Variants in PTPRA observed in about 807,000 individuals in gnomAD.
PTPRA encodes the protein protein tyrosine phosphatase receptor type A.
Under a neutral mutation model 104.8 loss-of-function variants are expected in PTPRA, and 25 were observed. The ratio of observed to expected loss-of-function variants is 0.24; its 90% confidence interval spans 0.17 to 0.33. The LOEUF (loss-of-function observed/expected upper bound fraction) is 0.33, where lower values mean the gene tolerates loss of function less well. Among genes scored for constraint, PTPRA ranks in the 10% least tolerant of loss-of-function variants. PTPRA has a pLI of 1.00. For synonymous variants in PTPRA, 323 were observed against 368.9 expected, an observed-to-expected ratio of 0.88 and a Z score of 1.43; for missense variants, 765 against 1,015.3, an observed-to-expected ratio of 0.75 and a Z score of 3.35.
the PTPRA span, chr20:2,866,318 G>A: frequency 6.2e-7 from 1 of 1,614,164 alleles, no homozygotes; most frequent in Non-Finnish European, 8.5e-7. Flanking sequence ...CTTGTTGGGT[G>A]CGTCAACTGA....
At chr20:2,969,185 A>G (rs909024196) in intron 5 of PTPRA, among the ~76,000 whole-genome samples, 26 of 151,738 alleles carry the variant, frequency 1.7e-4, no homozygotes, top group African/African-American at 6.0e-4. Context: ...TAGCCTGGGG[A>G]ACAGAGTGAG....
chr20:2,867,951 G>T, the PTPRA span, among the ~76,000 whole-genome samples: 1 of 152,238 alleles, frequency 6.6e-6, no homozygotes. Flanking sequence ...TGTGGGTCAA[G>T]AATTTGGACA....
At chr20:2,894,598 G>A (rs1191006525) in intron 1 of PTPRA, among the ~76,000 whole-genome samples, 1 of 141,824 alleles carries the variant, frequency 7.1e-6, no homozygotes, top group African/African-American at 2.8e-5. Context: ...ATGAGCCACT[G>A]TGCTGGCCAA....
rs951069272 is a variant in PTPRA at position 3,035,293 on chromosome 20, A to G, written c.1921-292A>G. 3.3e-5 allele frequency among the ~76,000 whole-genome samples: 5 copies of G among 152,158 alleles called. No individual in the cohort carries two copies. Among genetic ancestry groups the G allele is most frequent in the African/African-American group, 1.2e-4 (5 of 41,448 alleles). ...GGAGAAAAAGAAAGGAATTGGAACA[A>G]AGATTTTCACTCGTCCTCCTCTCCC... On this transcript the variant is annotated intron_variant, in intron 20 of 23. Coordinates refer to ENST00000399903, the MANE Select transcript of PTPRA (RefSeq NM_001385305.1). This position sits in a 1 kb window ranked among gnomAD's most constrained non-coding sequence, Gnocchi z 5.8.
intron 1 of PTPRA, among the ~76,000 whole-genome samples, chr20:2,898,857 CA>C (rs894944170): frequency 1.5e-4 from 22 of 143,954 alleles, no homozygotes; most frequent in East Asian, 2.0e-4. Context: ...GACTCCGTCT[CA>C]AAAAAAAAAA....
intron 1 of PTPRA, among the ~76,000 whole-genome samples, chr20:2,909,952 TTATAA>T (rs1342399934): frequency 1.5e-4 from 18 of 122,300 alleles, no homozygotes; most frequent in South Asian, 7.0e-4. Context: ...TAATTATATA[TTATAA>T]TATATGATAT....
chr20:2,867,924 A>G, the PTPRA span, among the ~76,000 whole-genome samples: 1 of 152,184 alleles, frequency 6.6e-6, no homozygotes, highest in African/African-American at 2.4e-5. Flanking sequence ...AATAACTATC[A>G]TGCTCGCCAT....
At position 3,037,216 on chromosome 20, in the gene PTPRA, C is replaced by T; in HGVS notation, c.2261C>T (p.Ala754Val). 6.2e-7 allele frequency: 1 copy of T among 1,614,232 alleles called. No homozygotes were observed. The highest frequency in any genetic ancestry group is 8.5e-7 in the Non-Finnish European group (1 of 1,180,044). The part of the protein sequence containing the change: ...ALSTVLERVK[A>V]EGILDVFQTV... ...AGCACCGTCCTGGAGCGTGTGAAAG[C>T]AGAGGGGATTTTGGATGTCTTCCAG... is the stretch of plus-strand genomic sequence containing the variant. Residue 754 changes from alanine (A) to valine (V), a missense_variant, in exon 23 of 24, where the codon GCA (alanine) becomes GTA (valine). Ala to Val is a moderately conservative substitution (Grantham distance 64). Around this residue, in one of 4 missense-constraint regions of PTPRA, gnomAD observed 72 missense variants for 140.7 expected, o/e 0.51. Transcript: ENST00000399903. This position sits in a 1 kb window ranked among gnomAD's most constrained non-coding sequence, Gnocchi z 4.3.
At chr20:3,003,439 G>A (rs1481174306) in intron 9 of PTPRA, among the ~76,000 whole-genome samples, 1 of 152,074 alleles carries the variant, frequency 6.6e-6, no homozygotes, top group Non-Finnish European at 1.5e-5. Context: ...GAAGTTGCTA[G>A]GCCAAAAAGT....
At chr20:3,021,534 G>A (rs2064869068) in intron 14 of PTPRA, 106 bp downstream of exon 14, 5 of 1,442,594 alleles carry the variant, frequency 3.5e-6, no homozygotes, top group Non-Finnish European at 4.7e-6. Flanking sequence ...TGAGTATGCA[G>A]TATGTGAATT....
chr20:3,016,377 A>G (rs752445941), intron 12 of PTPRA, among the ~76,000 whole-genome samples: 2 of 152,234 alleles, frequency 1.3e-5, no homozygotes, highest in South Asian at 2.1e-4. Flanking sequence ...TTCTACACAC[A>G]TTTCCAGGCC....
chr20:2,889,583 A>T (rs1230118618), intron 1 of PTPRA, among the ~76,000 whole-genome samples: 2 of 152,246 alleles, frequency 1.3e-5, no homozygotes, highest in Non-Finnish European at 2.9e-5. Context: ...TACTACTAGT[A>T]CCATGAGTTT....
chr20:2,937,290 A>G (rs983547295), intron 2 of PTPRA, among the ~76,000 whole-genome samples: 10 of 151,970 alleles, frequency 6.6e-5, no homozygotes, highest in East Asian at 1.9e-4. Context: ...ACACCCAGCT[A>G]ATTTTTGTAT....
chr20:3,008,728 TA>T (rs763235190), intron 11 of PTPRA, among the ~76,000 whole-genome samples: 55 of 63,704 alleles, frequency 8.6e-4, no homozygotes, highest in Admixed American at 3.5e-3. Context: ...TCATCTCTAC[TA>T]AAAAAAAAAA....
chr20:3,011,691 A>G (rs904976165), intron 11 of PTPRA, among the ~76,000 whole-genome samples: 4 of 152,212 alleles, frequency 2.6e-5, no homozygotes, highest in African/African-American at 7.2e-5. Flanking sequence ...GTGGATGTCA[A>G]GTGTGTCCAT....
chr20:2,975,926 C>T (rs2062414149), intron 6 of PTPRA, among the ~76,000 whole-genome samples: 2 of 152,292 alleles, frequency 1.3e-5, no homozygotes, highest in East Asian at 1.9e-4. Context: ...GTGTTTTTAT[C>T]ATAATTTTCT....
At chr20:2,924,971 G>A (rs766880127) in intron 2 of PTPRA, among the ~76,000 whole-genome samples, 17 of 152,046 alleles carry the variant, frequency 1.1e-4, no homozygotes, top group African/African-American at 2.7e-4. Context: ...GAGCCACCGC[G>A]CCCGGCCTGA....
chr20:2,881,998 A>G (rs898539269), intron 1 of PTPRA, among the ~76,000 whole-genome samples: 1 of 152,022 alleles, frequency 6.6e-6, no homozygotes, highest in East Asian at 1.9e-4. Context: ...AGACTGTTTC[A>G]GGGGAAAAAA....
chr20:2,966,849 C>A (rs983600162), intron 5 of PTPRA, among the ~76,000 whole-genome samples: 1 of 152,064 alleles, frequency 6.6e-6, no homozygotes, highest in East Asian at 1.9e-4. Flanking sequence ...CATGTTTATT[C>A]TTTTAATGTT....
Sources: allele counts gnomAD v4.1 joint callset (sites outside exome capture counted in the v4.1 genomes callset), GRCh38; gene constraint gnomAD v4.1.1; regional missense constraint gnomAD v4.1.1; non-coding constraint Gnocchi (gnomAD v3.1); transcripts MANE v1.5; gene names NCBI Gene and HGNC (gene_info 2026-07-23, HGNC 2026-07-21).